SSH1: variants seen among roughly 807,000 people sequenced by gnomAD.
SSH1 encodes protein phosphatase Slingshot homolog 1.
A neutral mutation model predicts 79.7 loss-of-function variants in SSH1; 43 were observed. The observed-to-expected ratio is 0.54, with a 90% CI of 0.42 to 0.70. The LOEUF is 0.70. Ranked by LOEUF, SSH1 falls within the 30% of genes least tolerant of loss-of-function variation. The probability of loss-of-function intolerance (pLI) is 0.00; values close to 1 mark genes in which losing one functional copy is unlikely to be tolerated. For missense variants in SSH1, 1,206 were observed against 1,358.8 expected (o/e 0.89, Z 1.77); for synonymous variants, 599 against 538.3 (o/e 1.11, Z -1.56).
chr12:108,830,820 T>C (rs2038454522), intron 2 of SSH1, among the ~76,000 whole-genome samples: 1 of 152,064 alleles, frequency 6.6e-6, no homozygotes, highest in Non-Finnish European at 1.5e-5. Flanking sequence ...ACCTGTGCTG[T>C]GTGAAACAGA....
In SSH1 at chr12:108,857,513, G is replaced by A. The variant is rs1261389312; in HGVS notation, c.-17C>T. 4 of 1,125,884 alleles carry A rather than the reference G, an allele frequency of 3.6e-6. No individual in the cohort carries two copies. Among genetic ancestry groups the A allele is most frequent in the East Asian group, 9.9e-5 (1 of 10,094 alleles). The allele number at this position is 1,125,884 out of a possible 1,614,324, so 69.7% of individuals were successfully genotyped here. A position where few individuals can be genotyped will look rare whatever the true frequency, so the allele number is the denominator to read the frequency against. On this transcript the variant is annotated 5_prime_UTR_variant, in exon 1 of 15. Coordinates refer to ENST00000326495, the MANE Select transcript of SSH1 (RefSeq NM_018984.4). The surrounding 1 kb of genome is among the most constrained non-coding windows in gnomAD (Gnocchi z 4.7). ...CAGGGCCATGGCTGCGGCGCGGTGC[G>A]AGGGCGCCACAGACGTCTCGAGCTA...
chr12:108,802,520 C>A, intron 10 of SSH1, 152 bp from the exon 11 acceptor site: 2 of 705,782 alleles, frequency 2.8e-6, no homozygotes, highest in South Asian at 1.5e-5. Flanking sequence ...GGCTGATATT[C>A]AAGGAGATTC....
At chr12:108,837,408 AGAG>A (rs2038663472) in intron 2 of SSH1, among the ~76,000 whole-genome samples, 1 of 152,180 alleles carries the variant, frequency 6.6e-6, no homozygotes, top group South Asian at 2.1e-4. Context: ...GAATGGGGTT[AGAG>A]GACTAGACGG....
At chr12:108,810,907 A>G (rs1277873186) in intron 6 of SSH1, among the ~76,000 whole-genome samples, 13 of 152,218 alleles carry the variant, frequency 8.5e-5, no homozygotes, top group African/African-American at 3.1e-4. Flanking sequence ...GCTGCACCAC[A>G]TTAGTCCGTG....
rs1255581244 is a variant in SSH1, at chr12:108,792,607, A to G, written c.1572T>C (p.Asp524=). ...CCAGGTGGACCAAGCTGCCAGTTTCATCCTCAGGGGAAGGCAGAAGGGGGT... is the reference window on the plus strand; with the variant it reads ...CCAGGTGGACCAAGCTGCCAGTTTCGTCCTCAGGGGAAGGCAGAAGGGGGT... ...LSDPLLPSPE[D]ETGSLVHLED... The change falls in exon 14 of 15, where the codon GAT becomes GAC. Residue 524 remains aspartate (D), a synonymous_variant. Transcript: ENST00000326495. The G allele has an allele frequency of 6.8e-6, 11 of 1,612,268 alleles. No individual in the cohort carries two copies. The highest frequency in any genetic ancestry group is 8.5e-6 in the Non-Finnish European group (10 of 1,179,104).
intron 2 of SSH1, among the ~76,000 whole-genome samples, chr12:108,828,959 C>T (rs187921267): frequency 1.3e-5 from 2 of 152,234 alleles, no homozygotes; most frequent in East Asian, 1.9e-4. Context: ...GAAGGAAGCC[C>T]GTCAACAATT....
At chr12:108,793,623 T>A (rs1281347705) in intron 13 of SSH1, among the ~76,000 whole-genome samples, 1 of 152,112 alleles carries the variant, frequency 6.6e-6, no homozygotes, top group East Asian at 1.9e-4. Flanking sequence ...CTTGTACTCC[T>A]GGTCTCAAGC....
chr12:108,829,927 T>A (rs772676308), intron 2 of SSH1, among the ~76,000 whole-genome samples: 21 of 151,938 alleles, frequency 1.4e-4, no homozygotes, highest in Non-Finnish European at 2.6e-4. Context: ...CGTAACAAGA[T>A]CCCATCTCTA....
intron 2 of SSH1, among the ~76,000 whole-genome samples, chr12:108,845,720 C>T (rs2038885581): frequency 1.3e-5 from 2 of 152,216 alleles, no homozygotes; most frequent in African/African-American, 4.8e-5. Context: ...TATTGTTTAA[C>T]TGTTAAGTTA....
intron 2 of SSH1, among the ~76,000 whole-genome samples, chr12:108,849,628 A>G (rs1390533946): frequency 6.6e-6 from 1 of 151,858 alleles, no homozygotes; most frequent in Non-Finnish European, 1.5e-5. Flanking sequence ...ACAAATTTTC[A>G]TGTCACTGCT....
chr12:108,798,291 T>C (rs926417546), intron 13 of SSH1, among the ~76,000 whole-genome samples: 5 of 152,092 alleles, frequency 3.3e-5, no homozygotes, highest in East Asian at 1.9e-4. Flanking sequence ...GCCTCCCAAA[T>C]TGTTGGGATT....
At chr12:108,798,174 G>A (rs1188216487) in intron 13 of SSH1, among the ~76,000 whole-genome samples, 5 of 152,358 alleles carry the variant, frequency 3.3e-5, no homozygotes, top group Admixed American at 3.3e-4. Context: ...GGGGTGGACT[G>A]GGTAAATGAG....
At position 108,783,438 on chromosome 12, in the gene SSH1, T is replaced by C. The variant is rs972885454; in HGVS notation, c.*4550A>G. 6.6e-6 allele frequency: 1 copy of C among 152,234 alleles called. No homozygotes were observed. The highest frequency in any genetic ancestry group is 1.5e-5 in the Non-Finnish European group (1 of 68,042). 9.4% of individuals were successfully genotyped at this position (152,234 alleles called of 1,614,324 possible). ...TGTAAACTATTATTAAGGCACTCAA[T>C]TGTAAAACAATAATTACAGTGTAGG... is the stretch of plus-strand genomic sequence containing the variant. On this transcript the variant is annotated 3_prime_UTR_variant, in exon 15 of 15. Transcript: ENST00000326495.
Position 108,818,255 on chromosome 12 carries a change from G to A in SSH1, c.273C>T (p.Ile91=), listed in dbSNP as rs1460130754. 1 of 1,613,642 alleles carries A rather than the reference G, an allele frequency of 6.2e-7. No homozygotes were observed. Among genetic ancestry groups the A allele is most frequent in the African/African-American group, 1.3e-5 (1 of 74,920 alleles). The stretch of plus-strand genomic sequence containing the variant: ...CATTCTCACTGCTTCTTACCAGCTT[G>A]ATTCTGTCTTCGCAACGCAGAAGGT... ...MINLLRCEDR[I]KLAVRLESAW... Residue 91 remains isoleucine (I), a synonymous_variant, in exon 4 of 15, where the codon ATC becomes ATT. Coordinates refer to ENST00000326495, the MANE Select transcript of SSH1 (RefSeq NM_018984.4).
At chr12:108,847,627 T>C (rs555071597) in intron 2 of SSH1, among the ~76,000 whole-genome samples, 4 of 152,212 alleles carry the variant, frequency 2.6e-5, no homozygotes, top group African/African-American at 9.6e-5. Context: ...CGGCTGATTT[T>C]TGTATTTTTA....
rs2039167600 is a variant in SSH1, at chr12:108,857,429, T to A, written c.68A>T (p.Glu23Val). Reference protein sequence around the residue: ...SAASSSASNSELEAGSEEDRK... With the variant: ...SAASSSASNSVLEAGSEEDRK... Reference sequence around the variant, plus strand: ...GGGCGCGGCGAGCCCGGGGCTCACCTCGCTGTTGCTGGCCGAGGAGGAGGC... The same window carrying A: ...GGGCGCGGCGAGCCCGGGGCTCACCACGCTGTTGCTGGCCGAGGAGGAGGC... The change falls in exon 1 of 15, where the codon GAG becomes GTG. Residue 23 changes from glutamate (E) to valine (V), a missense_variant and splice_region_variant. Physicochemically the swap from Glu to Val is moderately radical, Grantham distance 121 (BLOSUM62 -2). This residue lies in a region of SSH1 where 100 missense variants were observed against 82.3 expected (regional missense o/e 1.21). Transcript: ENST00000326495. This position sits in a 1 kb window ranked among gnomAD's most constrained non-coding sequence, Gnocchi z 4.7. 3 of 1,096,776 alleles carry A rather than the reference T, an allele frequency of 2.7e-6. No homozygotes were observed. Among genetic ancestry groups the A allele is most frequent in the Non-Finnish European group, 3.4e-6 (3 of 887,654 alleles). The allele number at this position is 1,096,776 out of a possible 1,614,324, so 67.9% of individuals were successfully genotyped here.
At chr12:108,837,093 G>A (rs2038653878) in intron 2 of SSH1, 11 of 379,894 alleles carry the variant, frequency 2.9e-5, no homozygotes, top group East Asian at 1.5e-4. Flanking sequence ...TTAGCCGAGC[G>A]TGGTGGAGCA....
At chr12:108,798,943 G>A in intron 13 of SSH1, 57 bp downstream of exon 13, 3 of 1,587,538 alleles carry the variant, frequency 1.9e-6, no homozygotes, top group Admixed American at 1.7e-5. Flanking sequence ...TGGCTGGCTT[G>A]GCCACATGGC....
chr12:108,824,688 G>T (rs901653524), intron 2 of SSH1, among the ~76,000 whole-genome samples: 1 of 152,138 alleles, frequency 6.6e-6, no homozygotes, highest in Non-Finnish European at 1.5e-5. Flanking sequence ...GGAGGCTGGG[G>T]TGGAAGGATC....
Sources: gnomAD v4.1 joint callset for allele counts (sites outside exome capture counted in the v4.1 genomes callset) on GRCh38, gnomAD v4.1.1 for gene constraint, gnomAD v4.1.1 regional missense constraint, Gnocchi (gnomAD v3.1) non-coding constraint, MANE v1.5 for transcripts, NCBI Gene and HGNC (gene_info 2026-07-23, HGNC 2026-07-21) for gene names.